The following GAD2 variants were observed in gnomAD, a reference collection of about 807,000 sequenced individuals.
The protein encoded by GAD2 is glutamate decarboxylase 2.
GAD2 carries 22 observed loss-of-function variants against 80.1 expected under a neutral mutation model. That is an observed-to-expected ratio of 0.27 (90% confidence interval 0.20 to 0.39). GAD2 has a LOEUF of 0.39. Among genes scored for constraint, GAD2 ranks in the 10% least tolerant of loss-of-function variants. The probability of loss-of-function intolerance (pLI) is 1.00; values close to 1 mark genes in which losing one functional copy is unlikely to be tolerated. For missense variants in GAD2, 624 were observed against 738.4 expected (o/e 0.85, Z 1.80); for synonymous variants, 274 against 256.9 (o/e 1.07, Z -0.64).
At position 26,217,823 on chromosome 10, in the gene GAD2, G is replaced by A; in HGVS notation, c.137-19G>A. 1.0e-5 allele frequency: 16 copies of A among 1,592,870 alleles called. No homozygotes were observed. The highest frequency in any genetic ancestry group is 1.4e-5 in the Non-Finnish European group (16 of 1,168,856). ...CCGGCGGAGGATTGACGAGGCCCGC[G>A]TTCGGTGTCCTTACCCAGCCCTGCT... On this transcript the variant is annotated intron_variant, in intron 2 of 15. Transcript: ENST00000376261. This position sits in a 1 kb window ranked among gnomAD's most constrained non-coding sequence, Gnocchi z 4.9.
intron 8 of GAD2, among the ~76,000 whole-genome samples, chr10:26,254,912 G>C (rs1043820611): frequency 2.0e-5 from 3 of 152,226 alleles, no homozygotes; most frequent in African/African-American, 7.2e-5. Context: ...CTTCTGGCTT[G>C]CCAGCTAAGT....
intron 15 of GAD2, among the ~76,000 whole-genome samples, chr10:26,298,275 A>G (rs1463630876): frequency 6.6e-6 from 1 of 152,238 alleles, no homozygotes; most frequent in Non-Finnish European, 1.5e-5. Flanking sequence ...TTGGCCCCAC[A>G]GATCACATAT....
At chr10:26,292,221 G>A (rs998371022) in intron 13 of GAD2, among the ~76,000 whole-genome samples, 1 of 152,166 alleles carries the variant, frequency 6.6e-6, no homozygotes, top group African/African-American at 2.4e-5. Context: ...ATTGCCTGGG[G>A]AATGGAGGCT....
At chr10:26,245,048 G>T (rs1465230500) in intron 7 of GAD2, among the ~76,000 whole-genome samples, 3 of 151,732 alleles carry the variant, frequency 2.0e-5, no homozygotes, top group Non-Finnish European at 2.9e-5. Flanking sequence ...AGCTACTTGG[G>T]AGGCTGAGGC....
At chr10:26,242,852 C>CCCT (rs1844760012) in intron 7 of GAD2, among the ~76,000 whole-genome samples, 1 of 152,182 alleles carries the variant, frequency 6.6e-6, no homozygotes, top group Non-Finnish European at 1.5e-5. Flanking sequence ...AGATCTCTTA[C>CCCT]TTATCCCCAG....
Position 26,217,774 on chromosome 10 carries a change from T to C in GAD2, c.137-68T>C. ...GGAGTCGGGGTTTCCTGGCTGCGGG[T>C]AGGCGGGAGCGAGGGAGCCGGGCCC... is the stretch of plus-strand genomic sequence containing the variant. On this transcript the variant is annotated intron_variant, in intron 2 of 15. Transcript: ENST00000376261. This position sits in a 1 kb window ranked among gnomAD's most constrained non-coding sequence, Gnocchi z 4.9. 1 of 1,579,784 alleles carries C rather than the reference T, an allele frequency of 6.3e-7. No individual in the cohort carries two copies. Among genetic ancestry groups the C allele is most frequent in the Non-Finnish European group, 8.6e-7 (1 of 1,161,906 alleles).
rs760469643 is a variant in GAD2, at chr10:26,254,631, G to C, written c.920+8631G>C. Among the ~76,000 whole-genome samples the C allele has an allele frequency of 2.0e-5, 3 of 152,204 alleles. No homozygotes were observed. The East Asian group carries it at 5.8e-4, about 29-fold the overall frequency. On this transcript the variant is annotated intron_variant, in intron 8 of 15. Transcript: ENST00000376261. Reference sequence around the variant, plus strand: ...TGGGCCTTATGAGCCATGTTAAGCCGTTTGGACTTCTGACTAAAAGACATG... The same window carrying C: ...TGGGCCTTATGAGCCATGTTAAGCCCTTTGGACTTCTGACTAAAAGACATG...
intron 7 of GAD2, among the ~76,000 whole-genome samples, chr10:26,243,699 A>G (rs1394082009): frequency 6.6e-6 from 1 of 152,200 alleles, no homozygotes; most frequent in Non-Finnish European, 1.5e-5. Flanking sequence ...AGTAATTGAT[A>G]CCTCTTTTTT....
chr10:26,264,312 CTTTTT>C (rs373732623), intron 8 of GAD2, among the ~76,000 whole-genome samples: 3 of 129,774 alleles, frequency 2.3e-5, no homozygotes, highest in Non-Finnish European at 1.6e-5. Flanking sequence ...AGATTTCAAG[CTTTTT>C]TTTTTTTTTT....
At chr10:26,276,267 C>G (rs951381163) in intron 11 of GAD2, among the ~76,000 whole-genome samples, 7 of 152,206 alleles carry the variant, frequency 4.6e-5, no homozygotes, top group Non-Finnish European at 1.0e-4. Flanking sequence ...GAAAACAGCT[C>G]TCTTCCTTGC....
In GAD2 at chr10:26,245,837, A is replaced by G. The variant is rs1844802204; in HGVS notation, c.841-84A>G. On this transcript the variant is annotated intron_variant, in intron 7 of 15. Transcript: ENST00000376261. ...GAACAGACTAGAAATGAAAGGAAAA[A>G]AGGAAAACAGAAAACAAACAGCCAG... The G allele has an allele frequency of 5.5e-6, 6 of 1,094,154 alleles. No individual in the cohort carries two copies. In the South Asian group the frequency reaches 8.3e-5, roughly 15 times the overall value. 67.8% of individuals were successfully genotyped at this position (1,094,154 alleles called of 1,614,324 possible).
intron 7 of GAD2, among the ~76,000 whole-genome samples, chr10:26,232,038 T>C (rs1315167849): frequency 6.6e-6 from 1 of 152,226 alleles, no homozygotes; most frequent in Non-Finnish European, 1.5e-5. Context: ...GATGTGATTT[T>C]TGTGGCAGGG....
intron 8 of GAD2, 42 bp from the exon 9 acceptor site, chr10:26,269,077 G>T: frequency 2.0e-6 from 3 of 1,500,762 alleles, no homozygotes; most frequent in Non-Finnish European, 2.7e-6. Context: ...AGACGATGAA[G>T]CAAATTATTC....
chr10:26,257,535 C>T (rs916049026), intron 8 of GAD2, among the ~76,000 whole-genome samples: 2 of 152,222 alleles, frequency 1.3e-5, no homozygotes, highest in East Asian at 1.9e-4. Flanking sequence ...CTGACCAAGA[C>T]GCATGATACC....
intron 15 of GAD2, among the ~76,000 whole-genome samples, chr10:26,295,827 G>A (rs190986866): frequency 6.6e-6 from 1 of 152,212 alleles, no homozygotes; most frequent in East Asian, 1.9e-4. Flanking sequence ...AGAGTTTCCT[G>A]TGCAGTTTAT....
At chr10:26,246,053 A>G in intron 8 of GAD2, 53 bp downstream of exon 8, 1 of 1,470,370 alleles carries the variant, frequency 6.8e-7, no homozygotes, top group South Asian at 1.2e-5. Context: ...ATTCCACACA[A>G]GTAGTGCCTT....
rs757075067 is a variant in GAD2 at position 26,217,814 on chromosome 10, G to A, written c.137-28G>A. 5.7e-6 allele frequency: 9 copies of A among 1,587,256 alleles called. No homozygotes were observed. Among genetic ancestry groups the A allele is most frequent in the Non-Finnish European group, 7.7e-6 (9 of 1,166,264 alleles). ...GAGCCGGGCCCGGCGGAGGATTGAC[G>A]AGGCCCGCGTTCGGTGTCCTTACCC... On this transcript the variant is annotated intron_variant, in intron 2 of 15. Coordinates refer to ENST00000376261, the MANE Select transcript of GAD2 (RefSeq NM_001134366.2). The surrounding 1 kb of genome is among the most constrained non-coding windows in gnomAD (Gnocchi z 4.9).
Position 26,219,421 on chromosome 10 carries a change from TA to T in GAD2, c.520+146del, listed in dbSNP as rs1844425962. On this transcript the variant is annotated intron_variant, in intron 4 of 15. Coordinates refer to ENST00000376261, the MANE Select transcript of GAD2 (RefSeq NM_001134366.2). Reference sequence around the variant, plus strand: ...TCATCATGTAAAAAATAGTCATTATTAGAATGATTCTAATCCAAAGCACCTT... The same window carrying T: ...TCATCATGTAAAAAATAGTCATTATTGAATGATTCTAATCCAAAGCACCTT... The T allele has an allele frequency of 1.7e-5, 10 of 593,196 alleles. No individual in the cohort carries two copies. In the South Asian group the frequency reaches 2.1e-4, roughly 12 times the overall value. The allele number at this position is 593,196 out of a possible 1,614,324, so 36.7% of individuals were successfully genotyped here.
At chr10:26,267,909 A>T (rs997548763) in intron 8 of GAD2, among the ~76,000 whole-genome samples, 1 of 152,234 alleles carries the variant, frequency 6.6e-6, no homozygotes, top group African/African-American at 2.4e-5. Context: ...TAAGCAAGAC[A>T]GCACTAGAAG....
Sources: gnomAD v4.1 joint callset for allele counts (sites outside exome capture counted in the v4.1 genomes callset) on GRCh38, gnomAD v4.1.1 for gene constraint, Gnocchi (gnomAD v3.1) non-coding constraint, MANE v1.5 for transcripts, NCBI Gene and HGNC (gene_info 2026-07-23, HGNC 2026-07-21) for gene names.